The following TRPM7 variants were observed in gnomAD, a reference collection of about 807,000 sequenced individuals.
TRPM7 encodes the protein transient receptor potential cation channel subfamily M member 7.
Under a neutral mutation model 229.7 loss-of-function variants are expected in TRPM7, and 134 were observed. The observed-to-expected ratio is 0.58, with a 90% CI of 0.51 to 0.67. TRPM7 has a LOEUF of 0.67. TRPM7 is among the 30% of genes least tolerant of loss of function. TRPM7 has a pLI of 0.00. For synonymous variants in TRPM7, 699 were observed against 715.2 expected (o/e 0.98, Z 0.36); for missense variants, 1,901 against 2,210.0 (o/e 0.86, Z 2.80).
chr15:50,594,186 C>T (rs942472226), intron 24 of TRPM7, among the ~76,000 whole-genome samples: 3 of 152,162 alleles, frequency 2.0e-5, no homozygotes, highest in East Asian at 1.9e-4. Flanking sequence ...CAAAGAAGTT[C>T]GGTTTACATT....
intron 10 of TRPM7, among the ~76,000 whole-genome samples, chr15:50,628,961 A>G (rs2060646431): frequency 6.6e-6 from 1 of 152,190 alleles, no homozygotes; most frequent in Non-Finnish European, 1.5e-5. Context: ...GTACCTTGAT[A>G]TCGTACCTTG....
At chr15:50,643,110 G>GTCTCTACT (rs1567068526) in intron 5 of TRPM7, among the ~76,000 whole-genome samples, 6 of 152,014 alleles carry the variant, frequency 3.9e-5, no homozygotes, top group African/African-American at 1.4e-4. Context: ...CCAATATGGT[G>GTCTCTACT]AAACCTCGTC....
chr15:50,568,367 A>C (rs1299381263), intron 38 of TRPM7, among the ~76,000 whole-genome samples: 2 of 151,950 alleles, frequency 1.3e-5, no homozygotes, highest in Non-Finnish European at 2.9e-5. Context: ...TTGTCTATAC[A>C]AAAAAAATCC....
intron 20 of TRPM7, among the ~76,000 whole-genome samples, chr15:50,605,845 G>GATTT (rs2059905187): frequency 1.3e-5 from 2 of 151,874 alleles, no homozygotes; most frequent in South Asian, 4.2e-4. Flanking sequence ...TAAAACAACA[G>GATTT]ATTTAATAAA....
At chr15:50,597,193 C>A (rs1487687765) in intron 22 of TRPM7, among the ~76,000 whole-genome samples, 1 of 152,178 alleles carries the variant, frequency 6.6e-6, no homozygotes, top group Non-Finnish European at 1.5e-5. Context: ...TTCATTACCC[C>A]TAACTGAAAA....
intron 19 of TRPM7, among the ~76,000 whole-genome samples, chr15:50,609,103 T>A (rs1260889018): frequency 1.3e-5 from 2 of 152,210 alleles, no homozygotes; most frequent in African/African-American, 4.8e-5. Context: ...TAATCAAGCA[T>A]ACACTTTAAT....
At chr15:50,675,454 T>C (rs555824212) in intron 1 of TRPM7, among the ~76,000 whole-genome samples, 2 of 152,164 alleles carry the variant, frequency 1.3e-5, no homozygotes, top group Non-Finnish European at 2.9e-5. Flanking sequence ...CAAATGTACA[T>C]ACATTCTTCC....
At chr15:50,576,051 G>T in intron 31 of TRPM7, 132 bp from the exon 32 acceptor site, 1 of 870,066 alleles carries the variant, frequency 1.1e-6, no homozygotes, top group Non-Finnish European at 1.8e-6. Flanking sequence ...AGAAAAATTA[G>T]GGATAAAATA....
At chr15:50,626,703 AT>A (rs1157712651) in intron 11 of TRPM7, among the ~76,000 whole-genome samples, 1 of 152,082 alleles carries the variant, frequency 6.6e-6, no homozygotes, top group Non-Finnish European at 1.5e-5. Flanking sequence ...ACCACAGATG[AT>A]TAACATTAAT....
In TRPM7 at chr15:50,578,622, C is replaced by G; in HGVS notation, c.4618+17G>C. On this transcript the variant is annotated intron_variant, in intron 31 of 38. Coordinates refer to ENST00000646667, the MANE Select transcript of TRPM7 (RefSeq NM_017672.6). ...GATTCTCATTTTTTTCACGTTCAAT[C>G]TACCACACAGACTCACCATTTAATG... 1.2e-6 allele frequency: 2 copies of G among 1,608,864 alleles called. No individual in the cohort carries two copies. The highest frequency in any genetic ancestry group is 1.7e-6 in the Non-Finnish European group (2 of 1,176,672).
intron 1 of TRPM7, among the ~76,000 whole-genome samples, chr15:50,686,179 A>G (rs1280304794): frequency 6.6e-6 from 1 of 152,082 alleles, no homozygotes; most frequent in African/African-American, 2.4e-5. Context: ...GGAGATGCGG[A>G]GCTTGTAGGC....
rs571411046 is a variant in TRPM7, at chr15:50,565,805, C to G, written c.5468-3997G>C. Among the ~76,000 whole-genome samples the G allele has an allele frequency of 4.0e-5, 6 of 150,886 alleles. No individual in the cohort carries two copies. The East Asian group carries it at 1.2e-3, about 29-fold the overall frequency. ...ATTACTTTCCAAAGCACATGGAATG[C>G]TCAGAGACCATAAACTCTTTTTGTT... is the stretch of plus-strand genomic sequence containing the variant. On this transcript the variant is annotated intron_variant, in intron 38 of 38. Transcript: ENST00000646667.
At chr15:50,639,110 T>C (rs1396777228) in intron 6 of TRPM7, among the ~76,000 whole-genome samples, 2 of 152,222 alleles carry the variant, frequency 1.3e-5, no homozygotes, top group Admixed American at 6.5e-5. Context: ...TCTCATGTCA[T>C]GTAGTCATTA....
At chr15:50,630,707 C>T (rs899267876) in intron 10 of TRPM7, among the ~76,000 whole-genome samples, 20 of 152,278 alleles carry the variant, frequency 1.3e-4, no homozygotes, top group African/African-American at 4.8e-4. Context: ...CAGGGTCTTG[C>T]TGTCACCCAG....
In TRPM7 at chr15:50,686,764, C is replaced by A. The variant is rs1225621612; in HGVS notation, c.-231G>T. ...GGGTGACTGGCCACAGGGACGCGCC[C>A]GCGCCCGCCTCCGCCGGCGACGGGG... On this transcript the variant is annotated 5_prime_UTR_variant, in exon 1 of 39. Transcript: ENST00000646667. The A allele has an allele frequency of 4.5e-5, 22 of 486,608 alleles. No homozygotes were observed. The East Asian group carries it at 7.8e-4, about 17-fold the overall frequency. 30.1% of individuals were successfully genotyped at this position (486,608 alleles called of 1,614,324 possible). A position where few individuals can be genotyped will look rare whatever the true frequency, so the allele number is the denominator to read the frequency against.
intron 2 of TRPM7, among the ~76,000 whole-genome samples, chr15:50,660,978 CTT>C (rs763937583): frequency 1.6e-4 from 23 of 142,592 alleles, no homozygotes; most frequent in Non-Finnish European, 1.5e-4. Context: ...ACTACCATTC[CTT>C]TTTTTTTTTT....
At chr15:50,668,853 G>T (rs1383183207) in intron 1 of TRPM7, among the ~76,000 whole-genome samples, 1 of 152,120 alleles carries the variant, frequency 6.6e-6, no homozygotes, top group African/African-American at 2.4e-5. Flanking sequence ...GTTTTCTCTT[G>T]TGACAGGACA....
intron 3 of TRPM7, among the ~76,000 whole-genome samples, chr15:50,655,706 T>C (rs1027879025): frequency 6.6e-6 from 1 of 152,040 alleles, no homozygotes; most frequent in African/African-American, 2.4e-5. Context: ...ACCTTTAAAG[T>C]GCTGCAATGG....
At chr15:50,641,300 A>C (rs930814999) in intron 5 of TRPM7, among the ~76,000 whole-genome samples, 3 of 152,078 alleles carry the variant, frequency 2.0e-5, no homozygotes, top group African/African-American at 7.2e-5. Context: ...ATACACCAGA[A>C]CTTCTGACTT....
Sources: gnomAD v4.1 joint callset for allele counts (sites outside exome capture counted in the v4.1 genomes callset) on GRCh38, gnomAD v4.1.1 for gene constraint, MANE v1.5 for transcripts, NCBI Gene and HGNC (gene_info 2026-07-23, HGNC 2026-07-21) for gene names.